DGKH: variants seen among roughly 807,000 people sequenced by gnomAD.
DGKH encodes the protein diacylglycerol kinase eta, also known as DAG kinase eta.
Under a neutral mutation model 159.3 loss-of-function variants are expected in DGKH, and 90 were observed. The ratio of observed to expected loss-of-function variants is 0.57; its 90% confidence interval spans 0.48 to 0.67. The LOEUF (loss-of-function observed/expected upper bound fraction) is 0.67. DGKH is among the 30% of genes least tolerant of loss of function. DGKH has a pLI of 0.00. For synonymous variants in DGKH, 536 were observed against 553.8 expected (o/e 0.97, Z 0.45); for missense variants, 1,181 against 1,506.1 (o/e 0.78, Z 3.57).
chr13:42,059,799 C>T (rs182809825), intron 1 of DGKH, among the ~76,000 whole-genome samples: 3 of 152,084 alleles, frequency 2.0e-5, no homozygotes, highest in Non-Finnish European at 2.9e-5. Flanking sequence ...ATCGAGTGGT[C>T]TCTAGTTTTC....
intron 29 of DGKH, among the ~76,000 whole-genome samples, chr13:42,227,811 A>G (rs397986): frequency 0.96 from 146,878 of 152,258 alleles, 70,894 homozygotes; most frequent in East Asian, 1. Flanking sequence ...AGGGTAAACG[A>G]GAGAAAGAGA....
intron 29 of DGKH, 137 bp from the exon 30 acceptor site, chr13:42,228,962 T>C (rs1190343076): frequency 2.9e-6 from 2 of 686,390 alleles, no homozygotes; most frequent in African/African-American, 1.8e-5. Flanking sequence ...ATTATGTTTC[T>C]TGCTGGTTAA....
chr13:42,040,386 T>C (rs138808588), intron 1 of DGKH, among the ~76,000 whole-genome samples: 23,438 of 151,720 alleles, frequency 0.15, 2,051 homozygotes, highest in Non-Finnish European at 0.21. Context: ...GGCCGCTCCT[T>C]TCCGCGCGGC....
chr13:42,053,090 C>T (rs563202846), intron 1 of DGKH, among the ~76,000 whole-genome samples: 1 of 152,020 alleles, frequency 6.6e-6, no homozygotes, highest in East Asian at 1.9e-4. Context: ...AATCCTACCA[C>T]TTTGAGAGGC....
At chr13:42,197,643 G>T (rs2090388721) in intron 17 of DGKH, among the ~76,000 whole-genome samples, 1 of 152,110 alleles carries the variant, frequency 6.6e-6, no homozygotes, top group African/African-American at 2.4e-5. Flanking sequence ...CCTGGGAGAT[G>T]GAGGCTGCAG....
intron 20 of DGKH, among the ~76,000 whole-genome samples, chr13:42,205,685 T>G (rs111881265): frequency 6.6e-6 from 1 of 152,102 alleles, no homozygotes; most frequent in Non-Finnish European, 1.5e-5. Context: ...TCTTACCCAG[T>G]CTGCTTTCAA....
rs570746821 is a variant in DGKH at position 42,140,894 on chromosome 13, A to G, written c.384+11262A>G. The G allele has an allele frequency of 4.6e-5, 7 of 151,888 alleles. No individual in the cohort carries two copies. The East Asian group carries it at 1.4e-3, about 29-fold the overall frequency. The allele number at this position is 151,888 out of a possible 1,614,324, so 9.4% of individuals were successfully genotyped here. On this transcript the variant is annotated intron_variant, in intron 3 of 29. Coordinates refer to ENST00000337343, the MANE Select transcript of DGKH (RefSeq NM_178009.5). ...TACGGGAAAATAAGCTACTGGCAGT[A>G]AAAAAATTTTATATTTTTATTTATT...
intron 3 of DGKH, among the ~76,000 whole-genome samples, chr13:42,148,368 C>T (rs188610259): frequency 2.0e-5 from 3 of 152,286 alleles, no homozygotes; most frequent in East Asian, 1.9e-4. Context: ...CCCTCCCTCA[C>T]GGTCACTCCT....
intron 29 of DGKH, among the ~76,000 whole-genome samples, chr13:42,228,876 GT>G (rs1334089834): frequency 6.6e-6 from 1 of 151,846 alleles, no homozygotes; most frequent in Non-Finnish European, 1.5e-5. Context: ...GGTTATTTTT[GT>G]TTTATGAACT....
chr13:42,225,750 G>C (rs1958109409), intron 29 of DGKH, among the ~76,000 whole-genome samples: 1 of 144,518 alleles, frequency 6.9e-6, no homozygotes, highest in African/African-American at 2.6e-5. Flanking sequence ...TCCAGCCTGA[G>C]TGACAGATTG....
At chr13:42,251,972 G>A (rs1958623630) in intron 29 of DGKH, among the ~76,000 whole-genome samples, 1 of 152,090 alleles carries the variant, frequency 6.6e-6, no homozygotes, top group Admixed American at 6.6e-5. Context: ...TTCCTAGCTG[G>A]TCTTCAAAAA....
intron 1 of DGKH, among the ~76,000 whole-genome samples, chr13:42,086,064 T>C (rs994906811): frequency 3.3e-5 from 5 of 152,034 alleles, no homozygotes; most frequent in African/African-American, 9.7e-5. Flanking sequence ...ATTACAGGCA[T>C]GCACCACTAC....
chr13:42,068,265 C>CTAAAATAAATAAGATGTGA (rs1882724035), intron 1 of DGKH, among the ~76,000 whole-genome samples: 1 of 151,972 alleles, frequency 6.6e-6, no homozygotes, highest in African/African-American at 2.4e-5. Context: ...TATTGATTTG[C>CTAAAATAAATAAGATGTGA]TAAAATAAAT....
At chr13:42,108,983 T>G (rs533682795) in intron 1 of DGKH, among the ~76,000 whole-genome samples, 261 of 152,250 alleles carry the variant, frequency 1.7e-3, no homozygotes, top group Non-Finnish European at 3.0e-3. Flanking sequence ...TTTTTAAAAA[T>G]AAGATATGCC....
At chr13:42,150,516 T>C (rs760814539) in intron 3 of DGKH, among the ~76,000 whole-genome samples, 3 of 152,234 alleles carry the variant, frequency 2.0e-5, no homozygotes, top group Non-Finnish European at 4.4e-5. Flanking sequence ...ATGGTGAATA[T>C]GATCATATTG....
downstream of DGKH, among the ~76,000 whole-genome samples, chr13:42,243,480 G>T (rs1958551213): frequency 6.6e-6 from 1 of 152,196 alleles, no homozygotes; most frequent in African/African-American, 2.4e-5. Flanking sequence ...CATGACAAGT[G>T]TTGTCTCTAG....
rs371741610 is a variant in DGKH, at chr13:42,168,759, C to T, written c.1308C>T (p.Asp436=). 2 of 1,613,984 alleles carry T rather than the reference C, an allele frequency of 1.2e-6. No individual in the cohort carries two copies. Among genetic ancestry groups the T allele is most frequent in the Non-Finnish European group, 1.7e-6 (2 of 1,180,014 alleles). ...VLGWGGSYDD[D]TQLPQILEKL... ...GCTGGGGAGGTTCATATGACGATGA[C>T]ACCCAACTTCCTCAGATCCTAGAGA... Residue 436 remains aspartate (D), a synonymous_variant, in exon 11 of 30, where the codon GAC becomes GAT. Transcript: ENST00000337343.
At chr13:42,195,266 C>T (rs2138134474) in intron 17 of DGKH, among the ~76,000 whole-genome samples, 1 of 152,184 alleles carries the variant, frequency 6.6e-6, no homozygotes, top group Admixed American at 6.5e-5. Context: ...TTTGGGAAGC[C>T]AAGATGGGCA....
At chr13:42,247,943 A>G (rs1286973875) in intron 29 of DGKH, among the ~76,000 whole-genome samples, 1 of 152,226 alleles carries the variant, frequency 6.6e-6, no homozygotes, top group African/African-American at 2.4e-5. Context: ...ACAAAGTAAA[A>G]ATGTTTCAGT....
Sources: allele counts gnomAD v4.1 joint callset (sites outside exome capture counted in the v4.1 genomes callset), GRCh38; gene constraint gnomAD v4.1.1; transcripts MANE v1.5; gene names NCBI Gene and HGNC (gene_info 2026-07-23, HGNC 2026-07-21).